PLCE1: variants seen among roughly 807,000 people sequenced by gnomAD.
PLCE1 encodes 1-phosphatidylinositol 4,5-bisphosphate phosphodiesterase epsilon-1.
PLCE1 carries 119 observed loss-of-function variants against 242.8 expected under a neutral mutation model. That is an observed-to-expected ratio of 0.49 (90% confidence interval 0.42 to 0.57). The LOEUF (loss-of-function observed/expected upper bound fraction) is 0.57, where lower values mean the gene tolerates loss of function less well. Among genes scored for constraint, PLCE1 ranks in the 20% least tolerant of loss-of-function variants. The pLI is 0.00. For synonymous variants in PLCE1, 945 were observed against 1,017.4 expected (o/e 0.93, Z 1.35); for missense variants, 2,441 against 2,788.8 (o/e 0.88, Z 2.81).
At chr10:94,117,123 C>G (rs2046156895) in intron 2 of PLCE1, among the ~76,000 whole-genome samples, 1 of 152,170 alleles carries the variant, frequency 6.6e-6, no homozygotes, top group Non-Finnish European at 1.5e-5. Flanking sequence ...CTCCCATCCT[C>G]TCTCCTTCAC....
At chr10:94,267,625 G>T (rs576966279) in intron 16 of PLCE1, among the ~76,000 whole-genome samples, 2 of 152,274 alleles carry the variant, frequency 1.3e-5, no homozygotes, top group South Asian at 2.1e-4. Flanking sequence ...AGACTTTGGT[G>T]AAGACCTTTA....
intron 19 of PLCE1, among the ~76,000 whole-genome samples, chr10:94,277,193 A>G (rs1232512020): frequency 6.6e-6 from 1 of 152,146 alleles, no homozygotes; most frequent in African/African-American, 2.4e-5. Context: ...CCCCACCAGG[A>G]TCCTCCAGGA....
rs1034390108 is a variant in PLCE1 at position 94,031,704 on chromosome 10, C to T, written c.658C>T (p.Pro220Ser). ...CGATTGTGGAAATTGTGTACCACTA[C>T]CTGGGGGTGAGGAGAAGCAAAAGAA... Reference protein sequence around the residue: ...LDDCGNCVPLPGGEEKQKKNY... With the variant: ...LDDCGNCVPLSGGEEKQKKNY... Residue 220 changes from proline to serine, a missense_variant, in exon 2 of 33, where the codon CCT becomes TCT. Transcript: ENST00000371380. The T allele has an allele frequency of 6.2e-7, 1 of 1,613,678 alleles. No homozygotes were observed. The highest frequency in any genetic ancestry group is 1.3e-5 in the African/African-American group (1 of 74,900).
chr10:94,011,278 T>C (rs998130313), intron 1 of PLCE1, among the ~76,000 whole-genome samples: 1 of 152,124 alleles, frequency 6.6e-6, no homozygotes, highest in African/African-American at 2.4e-5. Flanking sequence ...CAGATTCTTT[T>C]AAACAACCAG....
intron 2 of PLCE1, among the ~76,000 whole-genome samples, chr10:94,065,904 A>G (rs757580792): frequency 2.0e-5 from 3 of 152,280 alleles, no homozygotes; most frequent in Non-Finnish European, 4.4e-5. Flanking sequence ...GACTTTCTAG[A>G]TAACCATTAA....
intron 13 of PLCE1, 109 bp from the exon 14 acceptor site, chr10:94,262,385 A>C: frequency 1.2e-6 from 1 of 807,790 alleles, no homozygotes; most frequent in South Asian, 1.3e-5. Context: ...GTTTAGGTAC[A>C]TTAGTAAAGA....
intron 4 of PLCE1, among the ~76,000 whole-genome samples, chr10:94,194,801 A>G (rs533222599): frequency 1.3e-5 from 2 of 152,234 alleles, no homozygotes; most frequent in Non-Finnish European, 2.9e-5. Context: ...TGAATCAAGC[A>G]CTCAATAACT....
intron 2 of PLCE1, among the ~76,000 whole-genome samples, chr10:94,074,388 A>G (rs1211322268): frequency 6.6e-6 from 1 of 151,750 alleles, no homozygotes; most frequent in Non-Finnish European, 1.5e-5. Context: ...TATTTTTTGT[A>G]GAGACAGGGT....
intron 13 of PLCE1, among the ~76,000 whole-genome samples, chr10:94,261,812 C>T (rs1230115184): frequency 6.6e-6 from 1 of 151,990 alleles, no homozygotes; most frequent in African/African-American, 2.4e-5. Flanking sequence ...TAAACAAATG[C>T]TTATATTAAA....
At chr10:94,075,044 C>G (rs999414644) in intron 2 of PLCE1, among the ~76,000 whole-genome samples, 2 of 151,492 alleles carry the variant, frequency 1.3e-5, no homozygotes, top group Non-Finnish European at 3.0e-5. Flanking sequence ...CTCTGCCTGC[C>G]TTCTTCCCCT....
Position 94,149,822 on chromosome 10 carries a change from T to G in PLCE1, c.1492+17363T>G, listed in dbSNP as rs76827471. 2.8e-4 allele frequency among the ~76,000 whole-genome samples: 42 copies of G among 152,316 alleles called. No individual in the cohort carries two copies. In the East Asian group the frequency reaches 5.8e-3, roughly 21 times the overall value. ...ACCAGAAGGAAGTTCTGGTTGATGA[T>G]TCTTCCTTCAGAGACAGCAGGGGCT... On this transcript the variant is annotated intron_variant, in intron 3 of 32. Coordinates refer to ENST00000371380, the MANE Select transcript of PLCE1 (RefSeq NM_016341.4).
At chr10:94,098,565 T>G (rs2045401356) in intron 2 of PLCE1, among the ~76,000 whole-genome samples, 1 of 152,242 alleles carries the variant, frequency 6.6e-6, no homozygotes, top group African/African-American at 2.4e-5. Context: ...AAAATGGCTT[T>G]TAATATTTGG....
chr10:94,094,390 T>G (rs569229444), intron 2 of PLCE1, among the ~76,000 whole-genome samples: 2 of 152,276 alleles, frequency 1.3e-5, no homozygotes, highest in South Asian at 4.1e-4. Flanking sequence ...CATCCAATTA[T>G]TTCCTAGAGG....
intron 3 of PLCE1, among the ~76,000 whole-genome samples, chr10:94,156,887 A>G (rs2047448939): frequency 6.6e-6 from 1 of 152,218 alleles, no homozygotes; most frequent in South Asian, 2.1e-4. Context: ...CTAGAGTTTT[A>G]GGAGCCCTAT....
intron 17 of PLCE1, 28 bp from the exon 18 acceptor site, chr10:94,270,458 C>A (rs1186923933): frequency 7.0e-7 from 1 of 1,422,512 alleles, no homozygotes; most frequent in Non-Finnish European, 9.9e-7. Flanking sequence ...GATATCTGGA[C>A]TCTAATGAGC....
chr10:94,183,925 G>T (rs1170648872), intron 4 of PLCE1, among the ~76,000 whole-genome samples: 4 of 152,050 alleles, frequency 2.6e-5, no homozygotes, highest in African/African-American at 9.7e-5. Flanking sequence ...TATTCATAAG[G>T]GATCCACCCC....
chr10:94,179,511 A>AGTTTTTTTTTGTTTTTT (rs1395276286), intron 4 of PLCE1, among the ~76,000 whole-genome samples: 55 of 12,420 alleles, frequency 4.4e-3, no homozygotes, highest in Admixed American at 9.1e-3. Flanking sequence ...ATTTTAGTTT[A>AGTTTTTTTTTGTTTTTT]GTTTTTTTTT....
At chr10:94,034,899 T>C (rs1237451275) in intron 2 of PLCE1, among the ~76,000 whole-genome samples, 2 of 152,236 alleles carry the variant, frequency 1.3e-5, no homozygotes, top group Non-Finnish European at 2.9e-5. Flanking sequence ...AGACACTGCT[T>C]GGGTTCTTAG....
chr10:94,122,539 G>T (rs1564708672), intron 2 of PLCE1, among the ~76,000 whole-genome samples: 1 of 152,202 alleles, frequency 6.6e-6, no homozygotes, highest in Non-Finnish European at 1.5e-5. Flanking sequence ...CATGGGGAAT[G>T]TCTGCAGAGA....
Sources: allele counts gnomAD v4.1 joint callset (sites outside exome capture counted in the v4.1 genomes callset), GRCh38; gene constraint gnomAD v4.1.1; transcripts MANE v1.5; gene names NCBI Gene and HGNC (gene_info 2026-07-23, HGNC 2026-07-21).